ZFYVE28: variants seen among roughly 807,000 people sequenced by gnomAD.
ZFYVE28 encodes lateral signaling target protein 2 homolog.
Under a neutral mutation model 82.1 loss-of-function variants are expected in ZFYVE28, and 40 were observed. The observed-to-expected ratio is 0.49, with a 90% confidence interval of 0.38 to 0.63. The LOEUF (loss-of-function observed/expected upper bound fraction) is 0.63. Among genes scored for constraint, ZFYVE28 ranks in the 30% least tolerant of loss-of-function variants. The probability of loss-of-function intolerance (pLI) is 0.00; values close to 1 mark genes in which losing one functional copy is unlikely to be tolerated. For missense variants in ZFYVE28, 1,321 were observed against 1,242.1 expected (o/e 1.06, Z -0.96); for synonymous variants, 612 against 546.1 (o/e 1.12, Z -1.68).
In ZFYVE28 at chr4:2,409,735, G is replaced by A. The variant is rs1457226618; in HGVS notation, c.39+8550C>T. On this transcript the variant is annotated intron_variant, in intron 1 of 12. Transcript: ENST00000290974. The surrounding 1 kb of genome is among the most constrained non-coding windows in gnomAD (Gnocchi z 4.4). The stretch of plus-strand genomic sequence containing the variant: ...CCTGCGGGCAGCTCTGTGGGAGGAG[G>A]TCGGTTTGAGAAATTTGTCAGAACT... 6.6e-6 allele frequency among the ~76,000 whole-genome samples: 1 copy of A among 152,252 alleles called. No individual in the cohort carries two copies. Among genetic ancestry groups the A allele is most frequent in the African/African-American group, 2.4e-5 (1 of 41,466 alleles).
At chr4:2,412,028 A>G (rs1732570762) in intron 1 of ZFYVE28, among the ~76,000 whole-genome samples, 1 of 152,192 alleles carries the variant, frequency 6.6e-6, no homozygotes, top group Non-Finnish European at 1.5e-5. Flanking sequence ...GTGAGTGAGC[A>G]CATGGCAGCA....
intron 8 of ZFYVE28, among the ~76,000 whole-genome samples, chr4:2,296,145 T>C (rs1266756314): frequency 6.6e-6 from 1 of 152,092 alleles, no homozygotes; most frequent in East Asian, 1.9e-4. Flanking sequence ...TCTCTCCAGC[T>C]CTAGGCCAGC....
At position 2,334,027 on chromosome 4, in the gene ZFYVE28, T is replaced by C. The variant is rs10434498; in HGVS notation, c.701+1678A>G. On this transcript the variant is annotated intron_variant, in intron 6 of 12. Coordinates refer to ENST00000290974, the MANE Select transcript of ZFYVE28 (RefSeq NM_020972.3). ...TTGTCGCTGGCCACTGGGGACACCC[T>C]GCCCTCCAGCCCTGAGGTCTTCAGG... Among the ~76,000 whole-genome samples the C allele has an allele frequency of 4.5e-3, 683 of 152,258 alleles. 38 individuals carry two copies. The East Asian group carries it at 0.11, about 24-fold the overall frequency.
At chr4:2,381,907 G>C (rs1728766275) in intron 1 of ZFYVE28, among the ~76,000 whole-genome samples, 1 of 152,246 alleles carries the variant, frequency 6.6e-6, no homozygotes, top group African/African-American at 2.4e-5. Context: ...TCATGGGCCA[G>C]GCCCAGGGTC....
chr4:2,330,689 G>A, intron 6 of ZFYVE28: 2 of 1,447,876 alleles, frequency 1.4e-6, no homozygotes, highest in Non-Finnish European at 1.8e-6. Context: ...TGGCCAAGAG[G>A]ACACTGGAGC....
intron 7 of ZFYVE28, among the ~76,000 whole-genome samples, chr4:2,317,520 A>G (rs1718405836): frequency 6.6e-6 from 1 of 152,118 alleles, no homozygotes. Flanking sequence ...TCAAACCCCA[A>G]AGTCTGCAGG....
rs990195573 is a variant in ZFYVE28 at position 2,408,820 on chromosome 4, C to T, written c.39+9465G>A. ...GATGAAGCCACGCCCAGGTGAGCCC[C>T]GCCCCACGGGCTGATCCACCCAATC... On this transcript the variant is annotated intron_variant, in intron 1 of 12. Transcript: ENST00000290974. The surrounding 1 kb of genome is among the most constrained non-coding windows in gnomAD (Gnocchi z 4.3). 1.3e-4 allele frequency among the ~76,000 whole-genome samples: 20 copies of T among 151,770 alleles called. No individual in the cohort carries two copies. Among genetic ancestry groups the T allele is most frequent in the Admixed American group, 1.3e-4 (2 of 15,272 alleles).
rs988633849 is a variant in ZFYVE28 at position 2,300,770 on chromosome 4, C to T, written c.2051+3519G>A. On this transcript the variant is annotated intron_variant, in intron 8 of 12. Coordinates refer to ENST00000290974, the MANE Select transcript of ZFYVE28 (RefSeq NM_020972.3). This position sits in a 1 kb window ranked among gnomAD's most constrained non-coding sequence, Gnocchi z 4.6. ...ATTTGCAGTACACGGAGACGCGACT[C>T]GCACGTGAGACTGGAAGCCGTGAAT... Among the ~76,000 whole-genome samples, 12 of 152,232 alleles carry T rather than the reference C, an allele frequency of 7.9e-5. No homozygotes were observed. The South Asian group carries it at 1.7e-3, about 21-fold the overall frequency.
At chr4:2,415,497 G>C (rs1449309965) in intron 1 of ZFYVE28, among the ~76,000 whole-genome samples, 2 of 125,148 alleles carry the variant, frequency 1.6e-5, no homozygotes, top group African/African-American at 7.1e-5. Flanking sequence ...TTTATAAAAA[G>C]AAGCTCGCTG....
intron 8 of ZFYVE28, chr4:2,285,297 G>C (rs1414131395): frequency 6.6e-6 from 1 of 152,282 alleles, no homozygotes; most frequent in Non-Finnish European, 1.5e-5. Flanking sequence ...TCGACTTCTG[G>C]CCTCCAGAAC....
At chr4:2,338,662 T>C (rs663871) in intron 4 of ZFYVE28, among the ~76,000 whole-genome samples, 95,881 of 152,166 alleles carry the variant, frequency 0.63, 30,756 homozygotes, top group Admixed American at 0.72. Flanking sequence ...TTTAGAAAAT[T>C]TGGGGAAGAC....
At position 2,321,895 on chromosome 4, in the gene ZFYVE28, GT is replaced by G. The variant is rs143002354; in HGVS notation, c.702-1625del. On this transcript the variant is annotated intron_variant, in intron 6 of 12. Coordinates refer to ENST00000290974, the MANE Select transcript of ZFYVE28 (RefSeq NM_020972.3). Reference sequence around the variant, plus strand: ...CTGCCCCCCAGGGCAGTCAGCAGGAGTGGGGGGACAAGGCCCACCCATGAGA... The same window carrying G: ...CTGCCCCCCAGGGCAGTCAGCAGGAGGGGGGGACAAGGCCCACCCATGAGA... Among the ~76,000 whole-genome samples the G allele has an allele frequency of 2.5e-3, 379 of 152,280 alleles. 13 individuals are homozygous for G. In the East Asian group the frequency reaches 0.063, roughly 25 times the overall value.
Position 2,305,044 on chromosome 4 carries a change from G to T in ZFYVE28, c.1296C>A (p.Asp432Glu). 15 of 1,612,526 alleles carry T rather than the reference G, an allele frequency of 9.3e-6. No homozygotes were observed. Among genetic ancestry groups the T allele is most frequent in the Non-Finnish European group, 1.2e-5 (14 of 1,179,776 alleles). ...PFGWAGSTWA[D>E]PQEKGQGGPG... ...GCCCACCCTGCCCTTTCTCCTGGGGGTCGGCCCAGGTACTGCCTGCCCACC... is the reference window on the plus strand; with the variant it reads ...GCCCACCCTGCCCTTTCTCCTGGGGTTCGGCCCAGGTACTGCCTGCCCACC... The change falls in exon 8 of 13, where the codon GAC becomes GAA. Residue 432 changes from aspartate to glutamate, a missense_variant. Asp to Glu is a conservative substitution (Grantham distance 45, BLOSUM62 2). Coordinates refer to ENST00000290974, the MANE Select transcript of ZFYVE28 (RefSeq NM_020972.3).
chr4:2,382,160 A>G (rs1377095601), intron 1 of ZFYVE28, among the ~76,000 whole-genome samples: 1 of 152,260 alleles, frequency 6.6e-6, no homozygotes, highest in Non-Finnish European at 1.5e-5. Flanking sequence ...AGTTTGCTGC[A>G]GGGGTGGGGC....
At chr4:2,308,904 G>T (rs1482804387) in intron 7 of ZFYVE28, among the ~76,000 whole-genome samples, 2 of 152,056 alleles carry the variant, frequency 1.3e-5, no homozygotes. Flanking sequence ...TGCTGTCCAG[G>T]GCTTTAAAAA....
chr4:2,276,873 G>A (rs566111096), intron 8 of ZFYVE28, among the ~76,000 whole-genome samples: 12 of 152,240 alleles, frequency 7.9e-5, no homozygotes, highest in East Asian at 5.8e-4. Flanking sequence ...AGGACGTTGC[G>A]GAGATGATGT....
intron 8 of ZFYVE28, among the ~76,000 whole-genome samples, chr4:2,282,084 C>G (rs1014327209): frequency 7.9e-5 from 12 of 152,324 alleles, no homozygotes; most frequent in Admixed American, 2.6e-4. Flanking sequence ...GAGTCTGAAC[C>G]CTTGTCACTG....
At chr4:2,338,095 C>T (rs1430274205) in intron 4 of ZFYVE28, among the ~76,000 whole-genome samples, 2 of 152,186 alleles carry the variant, frequency 1.3e-5, no homozygotes, top group Admixed American at 6.5e-5. Flanking sequence ...CCTTAAGGGG[C>T]GAGAGAGAAA....
At chr4:2,397,471 CAAAAAA>C (rs35358830) in intron 1 of ZFYVE28, among the ~76,000 whole-genome samples, 11 of 98,234 alleles carry the variant, frequency 1.1e-4, no homozygotes, top group East Asian at 2.8e-4. Context: ...GACTCGGTCT[CAAAAAA>C]AAAAAAAAAA....
Sources: allele counts gnomAD v4.1 joint callset (sites outside exome capture counted in the v4.1 genomes callset), GRCh38; gene constraint gnomAD v4.1.1; non-coding constraint Gnocchi (gnomAD v3.1); transcripts MANE v1.5; gene names NCBI Gene and HGNC (gene_info 2026-07-23, HGNC 2026-07-21).